The following IQCE variants were observed in gnomAD, a reference collection of about 807,000 sequenced individuals.
IQCE encodes IQ motif containing E.
A neutral mutation model predicts 96.0 loss-of-function variants in IQCE; 115 were observed. The ratio of observed to expected loss-of-function variants is 1.20; its 90% CI spans 1.03 to 1.40. The LOEUF is 1.40. IQCE is among the 40% of genes most tolerant of loss of function. IQCE has a pLI of 0.00. For missense variants in IQCE, 1,041 were observed against 909.1 expected, an observed-to-expected ratio of 1.15 and a Z score of -1.87; for synonymous variants, 412 against 371.2, an observed-to-expected ratio of 1.11 and a Z score of -1.26.
chr7:2,566,863 T>G (rs565525648), intron 1 of IQCE, among the ~76,000 whole-genome samples: 1 of 152,344 alleles, frequency 6.6e-6, no homozygotes, highest in South Asian at 2.1e-4. Context: ...GGAAATAGTG[T>G]TACTAGATTT....
In IQCE at chr7:2,612,240, G is replaced by C. The variant is rs73043202; in HGVS notation, c.*2078G>C. 4 of 152,236 alleles carry C rather than the reference G, an allele frequency of 2.6e-5. No homozygotes were observed. The highest frequency in any genetic ancestry group is 9.6e-5 in the African/African-American group (4 of 41,458). 9.4% of individuals were successfully genotyped at this position (152,236 alleles called of 1,614,324 possible). A position where few individuals can be genotyped will look rare whatever the true frequency, so the allele number is the denominator to read the frequency against. ...CCATGTCCTCTGGTGCAGCTGGGCTGCTCTTTTAAAAGCCAGCATCCATCT... is the reference window on the plus strand; with the variant it reads ...CCATGTCCTCTGGTGCAGCTGGGCTCCTCTTTTAAAAGCCAGCATCCATCT... On this transcript the variant is annotated 3_prime_UTR_variant, in exon 22 of 22. Coordinates refer to ENST00000402050, the MANE Select transcript of IQCE (RefSeq NM_152558.5).
Position 2,589,887 on chromosome 7 carries a change from C to G in IQCE, c.1045-20C>G. On this transcript the variant is annotated intron_variant, in intron 13 of 21. Transcript: ENST00000402050. ...TAGAAATGAGAACTAGTATCTAACA[C>G]ATGTCTGTGTTGCCTCCAGAAACTA... is the stretch of plus-strand genomic sequence containing the variant. 2.5e-6 allele frequency: 4 copies of G among 1,609,906 alleles called. No homozygotes were observed. The highest frequency in any genetic ancestry group is 3.4e-6 in the Non-Finnish European group (4 of 1,176,848).
chr7:2,598,840 A>T (rs568208445), intron 17 of IQCE: 8 of 407,382 alleles, frequency 2.0e-5, no homozygotes, highest in Admixed American at 8.5e-5. Flanking sequence ...AACTCGCCAG[A>T]TTTCTTTCCA....
Position 2,572,305 on chromosome 7 carries a change from C to T in IQCE, c.373C>T (p.Leu125Phe). The T allele has an allele frequency of 6.2e-7, 1 of 1,614,090 alleles. No homozygotes were observed. The highest frequency in any genetic ancestry group is 2.2e-5 in the East Asian group (1 of 44,888). ...TDTFRVKRPH[L>F]RRSASNGHVP... ...CACCTTCAGAGTGAAGAGGCCACAT[C>T]TCAGGCGCTCTGCCAGCAACGGTGA... Residue 125 changes from leucine (L) to phenylalanine (F), a missense_variant, in exon 5 of 22, where the codon CTC (leucine) becomes TTC (phenylalanine). Transcript: ENST00000402050.
At chr7:2,605,138 C>T (rs570997220) in intron 19 of IQCE, 147 bp downstream of exon 19, 17 of 620,658 alleles carry the variant, frequency 2.7e-5, no homozygotes, top group Non-Finnish European at 4.6e-5. Flanking sequence ...CCTGGCCACG[C>T]AGGCCATGCA....
intron 17 of IQCE, among the ~76,000 whole-genome samples, chr7:2,600,133 G>A (rs186424046): frequency 6.6e-6 from 1 of 152,134 alleles, no homozygotes; most frequent in Non-Finnish European, 1.5e-5. Context: ...TTTGGCAATG[G>A]GCAGGCCAAT....
chr7:2,605,962 C>G lies in IQCE; in HGVS notation c.1830C>G (p.Ser610=), dbSNP rs764063887. The G allele has an allele frequency of 1.2e-6, 2 of 1,610,660 alleles. No individual in the cohort carries two copies. The highest frequency in any genetic ancestry group is 1.7e-6 in the Non-Finnish European group (2 of 1,179,074). The change falls in exon 20 of 22, where the codon TCC becomes TCG. Residue 610 remains serine (S), a synonymous_variant. Coordinates refer to ENST00000402050, the MANE Select transcript of IQCE (RefSeq NM_152558.5). ...VQEEAIVIIQ[S]ALRAHLARAR... ...AGGAGGCCATCGTCATCATCCAGTC[C>G]GCTCTGCGGGCACACCTGGCCCGGG...
At chr7:2,605,537 G>A (rs947873169) in intron 19 of IQCE, among the ~76,000 whole-genome samples, 10 of 152,184 alleles carry the variant, frequency 6.6e-5, no homozygotes, top group African/African-American at 1.9e-4. Context: ...GGAGAATGGG[G>A]TGAACCCGGA....
chr7:2,569,793 G>GAGAATAT (rs1290605190), intron 3 of IQCE, among the ~76,000 whole-genome samples: 21 of 152,178 alleles, frequency 1.4e-4, no homozygotes, highest in Admixed American at 7.2e-4. Flanking sequence ...GACGCACTCA[G>GAGAATAT]AGAATATAAA....
At chr7:2,606,104 G>GCGCCTGC (rs1784803663) in intron 20 of IQCE, 107 bp downstream of exon 20, 4 of 1,343,296 alleles carry the variant, frequency 3.0e-6, no homozygotes, top group African/African-American at 3.0e-5. Flanking sequence ...AACTGGAGCA[G>GCGCCTGC]CGCCTGCCGC....
chr7:2,600,385 T>A (rs1784353713), intron 17 of IQCE, among the ~76,000 whole-genome samples: 1 of 152,236 alleles, frequency 6.6e-6, no homozygotes, highest in Non-Finnish European at 1.5e-5. Flanking sequence ...TTCGCCATTT[T>A]AAAGAAACGA....
intron 15 of IQCE, among the ~76,000 whole-genome samples, chr7:2,594,118 G>C (rs1225529103): frequency 6.6e-6 from 1 of 152,078 alleles, no homozygotes; most frequent in Non-Finnish European, 1.5e-5. Flanking sequence ...AAATTAGCCG[G>C]GCACAGTGAC....
At chr7:2,562,854 TC>T (rs1470778569) in intron 1 of IQCE, among the ~76,000 whole-genome samples, 2 of 149,388 alleles carry the variant, frequency 1.3e-5, no homozygotes, top group East Asian at 3.9e-4. Flanking sequence ...GATCTTTCTT[TC>T]TTTTTTTTTT....
chr7:2,580,323 C>CT (rs1782568304), intron 8 of IQCE: 1 of 151,410 alleles, frequency 6.6e-6, no homozygotes, highest in Non-Finnish European at 1.5e-5. Flanking sequence ...TTAAAAGTGT[C>CT]TATCTGCCGG....
At chr7:2,595,026 G>T in intron 16 of IQCE, 50 bp downstream of exon 16, 1 of 1,309,992 alleles carries the variant, frequency 7.6e-7, no homozygotes, top group East Asian at 2.3e-5. Flanking sequence ...TGAGACTTTG[G>T]TCGTGACGGT....
intron 2 of IQCE, among the ~76,000 whole-genome samples, 169 bp from the exon 3 acceptor site, chr7:2,568,785 C>T (rs1781558875): frequency 6.6e-6 from 1 of 152,190 alleles, no homozygotes; most frequent in Non-Finnish European, 1.5e-5. Context: ...TTTGTGGGGT[C>T]TGCATCGGGC....
intron 6 of IQCE, among the ~76,000 whole-genome samples, chr7:2,577,737 A>C (rs1324074876): frequency 1.4e-5 from 1 of 71,468 alleles, no homozygotes; most frequent in Non-Finnish European, 2.7e-5. Context: ...TGCGGCGTAT[A>C]CGCATTGGCG....
Position 2,607,187 on chromosome 7 carries a change from C to A in IQCE, c.1929C>A (p.His643Gln). 1 of 1,613,618 alleles carries A rather than the reference C, an allele frequency of 6.2e-7. No individual in the cohort carries two copies. ...STRRRSASAT[H>Q]GDASSPPFLA... ...GGAGGAGATCGGCTTCAGCCACACA[C>A]GGGGACGCCTCCTCCCCACCCTTCC... The change falls in exon 21 of 22, where the codon CAC becomes CAA. Residue 643 changes from histidine to glutamine, a missense_variant. By Grantham distance (24) the His-to-Gln change is conservative. Transcript: ENST00000402050.
At chr7:2,584,022 G>A (rs1782903812) in intron 10 of IQCE, among the ~76,000 whole-genome samples, 1 of 151,526 alleles carries the variant, frequency 6.6e-6, no homozygotes, top group African/African-American at 2.4e-5. Flanking sequence ...GAGGGGACCG[G>A]CGCTGGCCCC....
Sources: allele counts gnomAD v4.1 joint callset (sites outside exome capture counted in the v4.1 genomes callset), GRCh38; gene constraint gnomAD v4.1.1; transcripts MANE v1.5; gene names NCBI Gene and HGNC (gene_info 2026-07-23, HGNC 2026-07-21).